The following PYM1 variants were observed in gnomAD, a reference collection of about 807,000 sequenced individuals.
PYM1 encodes the protein partner of Y14 and mago.
In PYM1, 7 loss-of-function variants were observed where a neutral mutation model predicts 20.7. The observed-to-expected ratio is 0.34, with a 90% CI of 0.19 to 0.64. The LOEUF is 0.64. PYM1 is among the 30% of genes least tolerant of loss of function. The pLI, the probability that PYM1 is intolerant of heterozygous loss-of-function variation, is 0.74. For missense variants in PYM1, 194 were observed against 250.0 expected (o/e 0.78, Z 1.51); for synonymous variants, 100 against 99.2 (o/e 1.01, Z -0.05).
intron 1 of PYM1, among the ~76,000 whole-genome samples, chr12:55,912,403 G>A (rs1425517300): frequency 6.6e-6 from 1 of 151,772 alleles, no homozygotes; most frequent in Non-Finnish European, 1.5e-5. Context: ...CTATTGGGGT[G>A]ATAAGATAAC....
intron 1 of PYM1, among the ~76,000 whole-genome samples, chr12:55,922,864 G>C (rs568950607): frequency 2.0e-5 from 3 of 152,134 alleles, no homozygotes; most frequent in African/African-American, 7.2e-5. Flanking sequence ...GCCAAGAGGA[G>C]CTTAAAGAGA....
At chr12:55,903,653 G>A (rs1169330668) in intron 1 of PYM1, among the ~76,000 whole-genome samples, 173 bp from the exon 2 acceptor site, 3 of 151,586 alleles carry the variant, frequency 2.0e-5, no homozygotes, top group African/African-American at 7.3e-5. Context: ...TTTATTTACC[G>A]AGTGCCAATA....
chr12:55,910,931 T>A (rs1882911132), intron 1 of PYM1, among the ~76,000 whole-genome samples: 1 of 151,702 alleles, frequency 6.6e-6, no homozygotes, highest in African/African-American at 2.4e-5. Flanking sequence ...CAGGTTCAGA[T>A]AAAAGATTGT....
intron 1 of PYM1, among the ~76,000 whole-genome samples, chr12:55,925,284 G>A (rs926941999): frequency 6.6e-6 from 1 of 152,206 alleles, no homozygotes; most frequent in Non-Finnish European, 1.5e-5. Flanking sequence ...AAATGGGAAG[G>A]TCAAGAACCA....
intron 1 of PYM1, chr12:55,914,316 G>C (rs1882970650): frequency 4.3e-6 from 3 of 702,278 alleles, no homozygotes; most frequent in Non-Finnish European, 2.6e-6. Context: ...GGCCTTGATG[G>C]TATCCAAGGG....
At chr12:55,915,530 G>A (rs1010627932) in intron 1 of PYM1, among the ~76,000 whole-genome samples, 4 of 149,248 alleles carry the variant, frequency 2.7e-5, no homozygotes, top group Admixed American at 1.3e-4. Flanking sequence ...TTGCACTCCA[G>A]CCTGGGCGAC....
chr12:55,927,440 A>C, intron 1 of PYM1: 1 of 707,150 alleles, frequency 1.4e-6, no homozygotes, highest in East Asian at 2.7e-5. Context: ...AAAAGGGCGC[A>C]AGGCCCACCT....
At chr12:55,919,090 G>A (rs1452731094) in intron 1 of PYM1, among the ~76,000 whole-genome samples, 4 of 152,170 alleles carry the variant, frequency 2.6e-5, no homozygotes, top group Non-Finnish European at 5.9e-5. Context: ...AGGTACATAT[G>A]CAAGATGGGA....
Position 55,902,089 on chromosome 12 carries a change from G to A in PYM1, c.398C>T (p.Ala133Val), listed in dbSNP as rs1882701223. 6.2e-7 allele frequency: 1 copy of A among 1,613,996 alleles called. No homozygotes were observed. The highest frequency in any genetic ancestry group is 1.7e-5 in the Admixed American group (1 of 59,988). Residue 133 changes from alanine (A) to valine (V), a missense_variant, in exon 3 of 3, where the codon GCA becomes GTA. Transcript: ENST00000408946. ...CTGGTCAGATGCAGCTGTGGGGGCTGCCCGAGAGCCCTGTGGAGCACTGGG... is the reference window on the plus strand; with the variant it reads ...CTGGTCAGATGCAGCTGTGGGGGCTACCCGAGAGCCCTGTGGAGCACTGGG... ...QLPSAPQGSR[A>V]APTAASDQPD... is the part of the protein sequence containing the mutation.
intron 1 of PYM1, among the ~76,000 whole-genome samples, chr12:55,917,556 C>A (rs986481645): frequency 2.0e-5 from 3 of 152,128 alleles, no homozygotes; most frequent in Admixed American, 6.5e-5. Context: ...AACAGAAAAC[C>A]AAATACTGCA....
intron 1 of PYM1, among the ~76,000 whole-genome samples, chr12:55,925,337 G>A (rs1883170511): frequency 6.6e-6 from 1 of 152,236 alleles, no homozygotes; most frequent in African/African-American, 2.4e-5. Context: ...GTTTAAGATA[G>A]TGAAATAGGT....
At chr12:55,907,966 G>A (rs1882854197) in intron 1 of PYM1, among the ~76,000 whole-genome samples, 1 of 146,828 alleles carries the variant, frequency 6.8e-6, no homozygotes. Flanking sequence ...AAATAAGGCT[G>A]GGCATGGTGG....
chr12:55,910,252 C>CATATATATATATATATATATATAT (rs71074876), intron 1 of PYM1, among the ~76,000 whole-genome samples: 2 of 142,740 alleles, frequency 1.4e-5, no homozygotes, highest in African/African-American at 5.1e-5. Flanking sequence ...TGGTTTTATA[C>CATATATATATATATATATATATAT]ATATATATAT....
At chr12:55,918,409 C>A (rs768876286) in intron 1 of PYM1, among the ~76,000 whole-genome samples, 18 of 151,708 alleles carry the variant, frequency 1.2e-4, no homozygotes, top group Middle Eastern at 3.4e-3. Context: ...CACAAACCTG[C>A]ACATTTTCTA....
intron 1 of PYM1, 123 bp from the exon 2 acceptor site, chr12:55,903,603 G>T: frequency 1.2e-6 from 1 of 847,992 alleles, no homozygotes; most frequent in Non-Finnish European, 1.8e-6. Flanking sequence ...CAACCATTAG[G>T]CTCCTTTTCT....
At chr12:55,905,039 T>C (rs1331640041) in intron 1 of PYM1, among the ~76,000 whole-genome samples, 2 of 151,684 alleles carry the variant, frequency 1.3e-5, no homozygotes, top group African/African-American at 2.4e-5. Flanking sequence ...TCTCGCTCTG[T>C]CGCCCAGGCT....
intron 1 of PYM1, among the ~76,000 whole-genome samples, chr12:55,910,506 G>T (rs1882904138): frequency 6.6e-6 from 1 of 151,966 alleles, no homozygotes; most frequent in Non-Finnish European, 1.5e-5. Context: ...GTAGTGGCAT[G>T]ATCTTGGCTC....
intron 1 of PYM1, among the ~76,000 whole-genome samples, chr12:55,907,720 C>T (rs1178723249): frequency 6.6e-6 from 1 of 151,462 alleles, no homozygotes; most frequent in Admixed American, 6.6e-5. Context: ...GAGTGGATCA[C>T]TTAAGGTCAG....
intron 1 of PYM1, among the ~76,000 whole-genome samples, chr12:55,923,846 G>A (rs537806892): frequency 6.6e-6 from 1 of 152,258 alleles, no homozygotes; most frequent in South Asian, 2.1e-4. Flanking sequence ...GGGAGGCCAA[G>A]GCTGGCAGAT....
Sources: gnomAD v4.1 joint callset for allele counts (sites outside exome capture counted in the v4.1 genomes callset) on GRCh38, gnomAD v4.1.1 for gene constraint, MANE v1.5 for transcripts, NCBI Gene and HGNC (gene_info 2026-07-23, HGNC 2026-07-21) for gene names.